TENM3: variants seen among roughly 807,000 people sequenced by gnomAD.
TENM3 encodes the protein teneurin-3.
In TENM3, 63 loss-of-function variants were observed where a neutral mutation model predicts 255.1. The ratio of observed to expected loss-of-function variants is 0.25; its 90% CI spans 0.20 to 0.30. TENM3 has a LOEUF of 0.30. Ranked by LOEUF, TENM3 falls within the 10% of genes least tolerant of loss-of-function variation. TENM3 has a pLI of 1.00. For synonymous variants in TENM3, 1,306 were observed against 1,322.3 expected (o/e 0.99, Z 0.27); for missense variants, 2,929 against 3,461.1 (o/e 0.85, Z 3.86).
chr4:182,719,982 G>A (rs1470056268), intron 13 of TENM3, among the ~76,000 whole-genome samples: 1 of 152,018 alleles, frequency 6.6e-6, no homozygotes, highest in Admixed American at 6.6e-5. Flanking sequence ...GATCACCTGA[G>A]CCTGGGGAGG....
the TENM3 span, among the ~76,000 whole-genome samples, chr4:181,982,823 TTC>T: frequency 6.6e-6 from 1 of 152,166 alleles, no homozygotes; most frequent in Non-Finnish European, 1.5e-5. Flanking sequence ...TCATCCAGTA[TTC>T]TGTTTTTATA....
the TENM3 span, among the ~76,000 whole-genome samples, chr4:181,635,398 C>T: frequency 1.3e-5 from 2 of 152,156 alleles, no homozygotes; most frequent in African/African-American, 4.8e-5. Flanking sequence ...AGTCAGTTTC[C>T]ATCGAATGAT....
the TENM3 span, chr4:181,874,391 T>A: frequency 6.6e-6 from 1 of 152,260 alleles, no homozygotes; most frequent in Non-Finnish European, 1.5e-5. Context: ...GACATTTGCT[T>A]CACATATTTT....
the TENM3 span, among the ~76,000 whole-genome samples, chr4:181,826,352 A>G: frequency 6.6e-6 from 1 of 152,226 alleles, no homozygotes; most frequent in East Asian, 1.9e-4. Flanking sequence ...ATAAGTGTTA[A>G]TTTTCTGGTC....
chr4:182,307,091 T>C (rs1363317787), intron 1 of TENM3, among the ~76,000 whole-genome samples: 1 of 152,222 alleles, frequency 6.6e-6, no homozygotes, highest in African/African-American at 2.4e-5. Flanking sequence ...CTTGATATGA[T>C]ACGTATTCAC....
the TENM3 span, among the ~76,000 whole-genome samples, chr4:181,705,083 C>T: frequency 2.6e-5 from 4 of 151,518 alleles, no homozygotes; most frequent in East Asian, 1.9e-4. Context: ...GAGAGACCCC[C>T]ATCTCTCTCC....
chr4:182,671,199 T>TCATTATGTTACTCTCCC (rs1950906450), intron 6 of TENM3, among the ~76,000 whole-genome samples: 1 of 152,128 alleles, frequency 6.6e-6, no homozygotes, highest in South Asian at 2.1e-4. Context: ...AACGGTGCAA[T>TCATTATGTTACTCTCCC]CATTATGTTA....
the TENM3 span, among the ~76,000 whole-genome samples, chr4:182,029,499 G>C: frequency 4.7e-5 from 1 of 21,482 alleles, no homozygotes; most frequent in African/African-American, 5.1e-5. Flanking sequence ...TTTGCTTTAT[G>C]TATGTGGGTC....
rs73008917 is a variant in TENM3 at position 182,615,844 on chromosome 4, G to T, written c.750-12807G>T. ...CTCATTTGTTCTAAATTGACTACTC[G>T]AAGTAAGCTACCAGCAGTGACTTTC... On this transcript the variant is annotated intron_variant, in intron 4 of 27. Coordinates refer to ENST00000511685, the MANE Select transcript of TENM3 (RefSeq NM_001080477.4). Among the ~76,000 whole-genome samples, 655 of 152,264 alleles carry T rather than the reference G, an allele frequency of 4.3e-3. 4 individuals carry two copies. Among genetic ancestry groups the T allele is most frequent in the African/African-American group, 0.015 (617 of 41,560 alleles).
chr4:181,838,138 C>CAAA, the TENM3 span, among the ~76,000 whole-genome samples: 1 of 143,092 alleles, frequency 7.0e-6, no homozygotes, highest in African/African-American at 2.6e-5. Flanking sequence ...GACTCCATCT[C>CAAA]AAAAAAAAAA....
the TENM3 span, among the ~76,000 whole-genome samples, chr4:181,451,172 A>G: frequency 1.3e-5 from 2 of 152,164 alleles, no homozygotes; most frequent in Non-Finnish European, 2.9e-5. Context: ...TAAAGCTTGA[A>G]TTAGCAACGT....
intron 3 of TENM3, among the ~76,000 whole-genome samples, chr4:182,559,403 A>T (rs1742910578): frequency 6.6e-6 from 1 of 152,058 alleles, no homozygotes; most frequent in African/African-American, 2.4e-5. Flanking sequence ...CCTTACTCAG[A>T]TCATACTACT....
the TENM3 span, among the ~76,000 whole-genome samples, chr4:181,587,992 G>A: frequency 1.3e-5 from 2 of 152,100 alleles, no homozygotes; most frequent in Admixed American, 6.6e-5. Context: ...CGTTGATTGT[G>A]GGGGGCAGGA....
chr4:182,668,045 A>C (rs1754868703), intron 6 of TENM3, among the ~76,000 whole-genome samples: 1 of 152,054 alleles, frequency 6.6e-6, no homozygotes, highest in African/African-American at 2.4e-5. Context: ...TAAAAAGGTT[A>C]TCTCTCTTTC....
At chr4:181,923,791 C>T in the TENM3 span, among the ~76,000 whole-genome samples, 2 of 152,016 alleles carry the variant, frequency 1.3e-5, no homozygotes, top group South Asian at 4.1e-4. Flanking sequence ...ATACCGCTTC[C>T]CAGGAGTTTC....
At chr4:181,807,020 G>C in the TENM3 span, among the ~76,000 whole-genome samples, 29 of 152,144 alleles carry the variant, frequency 1.9e-4, no homozygotes, top group Non-Finnish European at 3.8e-4. Context: ...CACCACAAAT[G>C]CTCCTCCTTC....
At chr4:181,959,054 T>G in the TENM3 span, among the ~76,000 whole-genome samples, 1 of 152,136 alleles carries the variant, frequency 6.6e-6, no homozygotes, top group Non-Finnish European at 1.5e-5. Flanking sequence ...TTGTTGTTTG[T>G]TTGGTTTGGT....
intron 3 of TENM3, among the ~76,000 whole-genome samples, chr4:182,529,672 C>T (rs1739577378): frequency 6.6e-6 from 1 of 152,132 alleles, no homozygotes; most frequent in Non-Finnish European, 1.5e-5. Context: ...TCCATCTATT[C>T]CTTCATTCAT....
Position 182,639,194 on chromosome 4 carries a change from A to G in TENM3, c.988+10305A>G, listed in dbSNP as rs114385170. Among the ~76,000 whole-genome samples the G allele has an allele frequency of 8.2e-3, 1,248 of 152,304 alleles. 12 individuals carry two copies. The highest frequency in any genetic ancestry group is 0.029 in the African/African-American group (1,205 of 41,560). On this transcript the variant is annotated intron_variant, in intron 5 of 27. Transcript: ENST00000511685. ...ACAAGATATAATTTGAAATTTGTATACCATAGTACAATTTATTTTTAAAAT... is the reference window on the plus strand; with the variant it reads ...ACAAGATATAATTTGAAATTTGTATGCCATAGTACAATTTATTTTTAAAAT...
Sources: gnomAD v4.1 joint callset for allele counts (sites outside exome capture counted in the v4.1 genomes callset) on GRCh38, gnomAD v4.1.1 for gene constraint, MANE v1.5 for transcripts, NCBI Gene and HGNC (gene_info 2026-07-23, HGNC 2026-07-21) for gene names.